KIF26B: variants seen among roughly 807,000 people sequenced by gnomAD.
KIF26B encodes the protein kinesin family member 26B.
Under a neutral mutation model 151.2 loss-of-function variants are expected in KIF26B, and 63 were observed. The ratio of observed to expected loss-of-function variants is 0.42; its 90% CI spans 0.34 to 0.51. KIF26B has a LOEUF of 0.51. Among genes scored for constraint, KIF26B ranks in the 20% least tolerant of loss-of-function variants. The pLI, the probability that KIF26B is intolerant of heterozygous loss-of-function variation, is 0.07. For missense variants in KIF26B, 2,813 were observed against 2,913.6 expected (o/e 0.97, Z 0.79); for synonymous variants, 1,357 against 1,262.1 (o/e 1.08, Z -1.59).
In KIF26B at chr1:245,375,087, A is replaced by AT. The variant is rs1361477357; in HGVS notation, c.999+7724dup. ...TTGAGATGGGGGATCATTTAATTTA[A>AT]TTTTATTATTATTTTTTGAGACGGC... is the stretch of plus-strand genomic sequence containing the variant. On this transcript the variant is annotated intron_variant, in intron 3 of 14. Transcript: ENST00000407071. The surrounding 1 kb of genome is among the most constrained non-coding windows in gnomAD (Gnocchi z 4.2). Among the ~76,000 whole-genome samples the AT allele has an allele frequency of 6.6e-6, 1 of 151,974 alleles. No individual in the cohort carries two copies. Among genetic ancestry groups the AT allele is most frequent in the African/African-American group, 2.4e-5 (1 of 41,370 alleles).
intron 2 of KIF26B, among the ~76,000 whole-genome samples, chr1:245,242,678 A>T (rs2941282): frequency 1.3e-5 from 2 of 151,892 alleles, no homozygotes; most frequent in Non-Finnish European, 2.9e-5. Flanking sequence ...TTGAGATGGA[A>T]TCTTGCTCTG....
rs143411678 is a variant in KIF26B at position 245,437,274 on chromosome 1, G to A, written c.1166+17529G>A. On this transcript the variant is annotated intron_variant, in intron 4 of 14. Transcript: ENST00000407071. ...CACTCACCCATTCTCTCTCTCTGCC[G>A]AGCTCCCGTGTTCCATCCTTTGTTC... Among the ~76,000 whole-genome samples the A allele has an allele frequency of 1.1e-3, 163 of 152,188 alleles. No individual in the cohort carries two copies. The Middle Eastern group carries it at 0.017, about 16-fold the overall frequency.
chr1:245,662,731 A>G (rs1191691102), intron 10 of KIF26B, among the ~76,000 whole-genome samples: 2 of 151,762 alleles, frequency 1.3e-5, no homozygotes, highest in South Asian at 4.2e-4. Context: ...CACACACCCA[A>G]TATGCATATA....
At chr1:245,502,095 G>A (rs1221543587) in intron 4 of KIF26B, among the ~76,000 whole-genome samples, 2 of 152,200 alleles carry the variant, frequency 1.3e-5, no homozygotes, top group East Asian at 3.8e-4. Flanking sequence ...CTTGTCTGTT[G>A]TTTTAGAACT....
intron 2 of KIF26B, among the ~76,000 whole-genome samples, chr1:245,362,591 T>A (rs1451035338): frequency 6.6e-6 from 1 of 152,114 alleles, no homozygotes; most frequent in Non-Finnish European, 1.5e-5. Context: ...GCTGGCATGT[T>A]GGGAGTATCC....
At chr1:245,556,570 T>C (rs931494689) in intron 5 of KIF26B, among the ~76,000 whole-genome samples, 1 of 152,118 alleles carries the variant, frequency 6.6e-6, no homozygotes, top group African/African-American at 2.4e-5. Context: ...TGGGTAATTT[T>C]TGTATTTTTT....
intron 4 of KIF26B, among the ~76,000 whole-genome samples, chr1:245,500,966 C>T (rs111305587): frequency 6.4e-4 from 98 of 152,334 alleles, no homozygotes; most frequent in African/African-American, 2.3e-3. Context: ...GGAATCTTTT[C>T]ATGCAGGCTG....
intron 9 of KIF26B, among the ~76,000 whole-genome samples, chr1:245,619,609 AAAAAAAAAAAAAAG>A (rs1456027166): frequency 6.7e-6 from 1 of 149,962 alleles, no homozygotes; most frequent in African/African-American, 2.5e-5. Context: ...GTTTCAAAAA[AAAAAAAAAAAAAAG>A]AATCTCTGGG....
rs6672656 is a variant in KIF26B, at chr1:245,395,938, G to A, written c.1000-23641G>A. On this transcript the variant is annotated intron_variant, in intron 3 of 14. Transcript: ENST00000407071. ...TTCAGTTTCTTAATCTGTAGAACAG[G>A]GGGGGAAATTTCTTCCTAGCGATGG... Among the ~76,000 whole-genome samples, 3 of 151,840 alleles carry A rather than the reference G, an allele frequency of 2.0e-5. No homozygotes were observed. In the South Asian group the frequency reaches 6.2e-4, roughly 32 times the overall value.
chr1:245,195,099 GAGGGATTCCTTTACAC>G (rs1389279760), intron 2 of KIF26B, among the ~76,000 whole-genome samples: 2 of 152,202 alleles, frequency 1.3e-5, no homozygotes, highest in African/African-American at 4.8e-5. Flanking sequence ...ATCTGGGGAG[GAGGGATTCCTTTACAC>G]ACATCCTTCA....
chr1:245,158,865 TGTGTG>T lies in KIF26B; in HGVS notation c.465+2188_465+2192del, dbSNP rs1558328565. ...GTGTGTGTGTGTGTGTGTGTGTGTG[TGTGTG>T]GTGTGTGTTTTAAGCATTTGTACCT... is the stretch of plus-strand genomic sequence containing the variant. On this transcript the variant is annotated intron_variant, in intron 2 of 14. Coordinates refer to ENST00000407071, the MANE Select transcript of KIF26B (RefSeq NM_018012.4). Among the ~76,000 whole-genome samples the T allele has an allele frequency of 7.9e-3, 463 of 58,324 alleles. 1 individual carries two copies. Among genetic ancestry groups the T allele is most frequent in the East Asian group, 0.062 (124 of 1,994 alleles). 38.3% of individuals were successfully genotyped at this position (58,324 alleles called of 152,430 possible). A position where few individuals can be genotyped will look rare whatever the true frequency, so the allele number is the denominator to read the frequency against.
rs138918771 is a variant in KIF26B, at chr1:245,196,584, C to T, written c.465+39901C>T. On this transcript the variant is annotated intron_variant, in intron 2 of 14. Transcript: ENST00000407071. ...TAGACCTGGGGTGGGCCTCAGAACT[C>T]GCATTTCTAACGGGTTTCCAGGTGA... is the stretch of plus-strand genomic sequence containing the variant. Among the ~76,000 whole-genome samples the T allele has an allele frequency of 2.7e-3, 414 of 152,266 alleles. 2 individuals carry two copies. Among genetic ancestry groups the T allele is most frequent in the African/African-American group, 9.6e-3 (399 of 41,546 alleles).
chr1:245,547,051 T>G (rs1291571214), intron 5 of KIF26B, among the ~76,000 whole-genome samples: 3 of 152,226 alleles, frequency 2.0e-5, no homozygotes, highest in Admixed American at 2.0e-4. Flanking sequence ...GGACAGCACA[T>G]GCGCAGTATG....
intron 5 of KIF26B, among the ~76,000 whole-genome samples, chr1:245,592,133 C>T (rs1228569787): frequency 6.6e-6 from 1 of 152,200 alleles, no homozygotes; most frequent in Non-Finnish European, 1.5e-5. Context: ...TTTATTGTGC[C>T]ACCACTTGTC....
Position 245,375,790 on chromosome 1 carries a change from CT to C in KIF26B, c.999+8424del, listed in dbSNP as rs1572031075. Among the ~76,000 whole-genome samples the C allele has an allele frequency of 1.3e-5, 2 of 152,128 alleles. No homozygotes were observed. The highest frequency in any genetic ancestry group is 4.8e-5 in the African/African-American group (2 of 41,398). ...ATGGGGTCTACAGACCAAGGAGTCC[CT>C]GCAGAAACCTGCAGGACAGCAAGAA... On this transcript the variant is annotated intron_variant, in intron 3 of 14. Transcript: ENST00000407071. This position sits in a 1 kb window ranked among gnomAD's most constrained non-coding sequence, Gnocchi z 4.2.
intron 4 of KIF26B, among the ~76,000 whole-genome samples, chr1:245,487,826 C>T (rs145526904): frequency 3.1e-4 from 46 of 149,704 alleles, no homozygotes; most frequent in Middle Eastern, 3.5e-3. Context: ...GCATTTCAGA[C>T]GCGCCAGGCT....
intron 2 of KIF26B, among the ~76,000 whole-genome samples, chr1:245,355,792 G>T (rs1159316008): frequency 6.6e-6 from 1 of 152,176 alleles, no homozygotes; most frequent in Non-Finnish European, 1.5e-5. Flanking sequence ...ACGCTCAGGT[G>T]TTTGGAGGAG....
In KIF26B at chr1:245,200,718, G is replaced by A. The variant is rs114376985; in HGVS notation, c.465+44035G>A. On this transcript the variant is annotated intron_variant, in intron 2 of 14. Transcript: ENST00000407071. ...TTTTATTGTTATCTCTTCCGGAGTG[G>A]AAACCTGCCTTTTCATAGAGAACGC... Among the ~76,000 whole-genome samples, 642 of 152,296 alleles carry A rather than the reference G, an allele frequency of 4.2e-3. 3 individuals are homozygous for A. Among genetic ancestry groups the A allele is most frequent in the African/African-American group, 0.015 (609 of 41,562 alleles).
Position 245,325,451 on chromosome 1 carries a change from C to T in KIF26B, c.466-41383C>T, listed in dbSNP as rs984430717. ...CATTTCAGCTGGGCGCGGTGGCTCA[C>T]GCCAGTAATCCCAGCACTTTGGAAA... On this transcript the variant is annotated intron_variant, in intron 2 of 14. Transcript: ENST00000407071. Among the ~76,000 whole-genome samples the T allele has an allele frequency of 6.6e-5, 10 of 152,302 alleles. No individual in the cohort carries two copies. The East Asian group carries it at 7.7e-4, about 12-fold the overall frequency.
Sources: gnomAD v4.1 joint callset for allele counts (sites outside exome capture counted in the v4.1 genomes callset) on GRCh38, gnomAD v4.1.1 for gene constraint, Gnocchi (gnomAD v3.1) non-coding constraint, MANE v1.5 for transcripts, NCBI Gene and HGNC (gene_info 2026-07-23, HGNC 2026-07-21) for gene names.